Variants in MTBP observed in about 807,000 individuals in gnomAD.
MTBP encodes mdm2-binding protein.
A neutral mutation model predicts 117.0 loss-of-function variants in MTBP; 101 were observed. The observed-to-expected ratio is 0.86, with a 90% CI of 0.73 to 1.02. The LOEUF (loss-of-function observed/expected upper bound fraction) is 1.02. Among genes scored for constraint, MTBP ranks in the 50% least tolerant of loss-of-function variants. MTBP has a pLI of 0.00. For missense variants in MTBP, 970 were observed against 1,030.9 expected (o/e 0.94, Z 0.81); for synonymous variants, 350 against 351.5 (o/e 1.00, Z 0.05).
At chr8:120,520,114 G>A (rs1327621125) in intron 20 of MTBP, among the ~76,000 whole-genome samples, 1 of 152,132 alleles carries the variant, frequency 6.6e-6, no homozygotes. Flanking sequence ...AGCAGGCTTT[G>A]AGGAAAGCTT....
intron 16 of MTBP, among the ~76,000 whole-genome samples, chr8:120,508,902 C>G (rs377689760): frequency 6.6e-6 from 1 of 152,118 alleles, no homozygotes; most frequent in Non-Finnish European, 1.5e-5. Flanking sequence ...TCGGAATAAT[C>G]CAGAGAGCTT....
chr8:120,507,301 G>A (rs1486993621), intron 16 of MTBP, among the ~76,000 whole-genome samples: 1 of 152,080 alleles, frequency 6.6e-6, no homozygotes. Flanking sequence ...ACAGGAAAAT[G>A]TAATAAAAAT....
rs760815532 is a variant in MTBP at position 120,470,843 on chromosome 8, A to G, written c.1071A>G (p.Pro357=). ...CSKVGALFVL[P]CTISNILIPP... is the part of the protein sequence containing the mutation. ...AGGTTGGTGCTCTTTTTGTATTGCC[A>G]TGTACCATTAGTAACATACTGATTC... is the stretch of plus-strand genomic sequence containing the variant. Residue 357 remains proline (P), a synonymous_variant, in exon 11 of 22, where the codon CCA becomes CCG. Coordinates refer to ENST00000305949, the MANE Select transcript of MTBP (RefSeq NM_022045.5). The G allele has an allele frequency of 1.9e-6, 3 of 1,609,982 alleles. No individual in the cohort carries two copies. The highest frequency in any genetic ancestry group is 2.7e-5 in the African/African-American group (2 of 74,796).
At chr8:120,473,770 A>G (rs1203962642) in intron 11 of MTBP, 1 of 152,138 alleles carries the variant, frequency 6.6e-6, no homozygotes, top group Non-Finnish European at 1.5e-5. Flanking sequence ...AATCAGAAAT[A>G]GATTTTCTGA....
At position 120,513,507 on chromosome 8, in the gene MTBP, G is replaced by C. The variant is rs532121177; in HGVS notation, c.1980-2418G>C. ...AATTTACAAAGTAAATTTTTGTTCC[G>C]ATGGCAAATCATAGTATAATCATTT... On this transcript the variant is annotated intron_variant, in intron 17 of 21. Coordinates refer to ENST00000305949, the MANE Select transcript of MTBP (RefSeq NM_022045.5). Among the ~76,000 whole-genome samples, 4 of 151,804 alleles carry C rather than the reference G, an allele frequency of 2.6e-5. No homozygotes were observed. In the East Asian group the frequency reaches 5.8e-4, roughly 22 times the overall value.
intron 15 of MTBP, 71 bp downstream of exon 15, chr8:120,502,680 T>C: frequency 1.1e-6 from 1 of 931,018 alleles, no homozygotes. Flanking sequence ...AATAGTTAAA[T>C]TATGTTTATG....
At position 120,517,850 on chromosome 8, in the gene MTBP, G is replaced by A. The variant is rs1586975175; in HGVS notation, c.2247-1G>A. On this transcript the variant is annotated splice_acceptor_variant, in intron 18 of 21. Coordinates refer to ENST00000305949, the MANE Select transcript of MTBP (RefSeq NM_022045.5). LOFTEE classifies it high-confidence loss of function. Reference sequence around the variant, plus strand: ...CTTGATTTTTTTCCCCTGCTATATAGACTTGTGAAATCTGAAAGTTCAGAG... The same window carrying A: ...CTTGATTTTTTTCCCCTGCTATATAAACTTGTGAAATCTGAAAGTTCAGAG... The A allele has an allele frequency of 6.2e-7, 1 of 1,609,514 alleles. No homozygotes were observed. The highest frequency in any genetic ancestry group is 8.5e-7 in the Non-Finnish European group (1 of 1,177,070).
At position 120,470,804 on chromosome 8, in the gene MTBP, G is replaced by C. The variant is rs768735784; in HGVS notation, c.1048-16G>C. The C allele has an allele frequency of 1.3e-5, 20 of 1,504,968 alleles. No homozygotes were observed. The highest frequency in any genetic ancestry group is 3.4e-4 in the Middle Eastern group (2 of 5,826). The allele number at this position is 1,504,968 out of a possible 1,614,324, so 93.2% of individuals were successfully genotyped here. On this transcript the variant is annotated splice_polypyrimidine_tract_variant and intron_variant, in intron 10 of 21. Coordinates refer to ENST00000305949, the MANE Select transcript of MTBP (RefSeq NM_022045.5). Reference sequence around the variant, plus strand: ...CTCAATGTGCAATCAATAAAAATATGGTCTGTTTTATTCAGGTTGGTGCTC... The same window carrying C: ...CTCAATGTGCAATCAATAAAAATATCGTCTGTTTTATTCAGGTTGGTGCTC...
chr8:120,450,611 C>T (rs1209773612), intron 2 of MTBP, among the ~76,000 whole-genome samples: 1 of 152,132 alleles, frequency 6.6e-6, no homozygotes, highest in Non-Finnish European at 1.5e-5. Flanking sequence ...CTGAACCAAC[C>T]TGCATAGTCT....
intron 12 of MTBP, among the ~76,000 whole-genome samples, chr8:120,488,697 C>T (rs1029964388): frequency 6.6e-6 from 1 of 152,042 alleles, no homozygotes; most frequent in Admixed American, 6.5e-5. Context: ...CCTCTTCTTC[C>T]CAGGCTTTAT....
chr8:120,512,607 TATACAC>T (rs558754443), intron 17 of MTBP, among the ~76,000 whole-genome samples: 1 of 152,164 alleles, frequency 6.6e-6, no homozygotes, highest in Non-Finnish European at 1.5e-5. Context: ...TTTATTAACT[TATACAC>T]ATACAATGTT....
chr8:120,496,021 A>T (rs943403664), intron 13 of MTBP, among the ~76,000 whole-genome samples: 2 of 152,194 alleles, frequency 1.3e-5, no homozygotes, highest in Non-Finnish European at 2.9e-5. Flanking sequence ...GATGGAGAGA[A>T]ATTATAGATG....
intron 17 of MTBP, among the ~76,000 whole-genome samples, chr8:120,514,756 C>A (rs1814886842): frequency 6.6e-6 from 1 of 151,902 alleles, no homozygotes; most frequent in Non-Finnish European, 1.5e-5. Context: ...TCTTGACTGC[C>A]CTGTTTGCAT....
chr8:120,492,010 A>C (rs1195052237), intron 13 of MTBP, among the ~76,000 whole-genome samples: 1 of 152,054 alleles, frequency 6.6e-6, no homozygotes, highest in Non-Finnish European at 1.5e-5. Context: ...TGCTAAAAAT[A>C]AAAAAAATTA....
At chr8:120,516,894 AG>A (rs1471913495) in intron 18 of MTBP, among the ~76,000 whole-genome samples, 1 of 152,024 alleles carries the variant, frequency 6.6e-6, no homozygotes, top group Non-Finnish European at 1.5e-5. Flanking sequence ...TGAATAGTTA[AG>A]AAAGTTAGAA....
chr8:120,517,840 CT>C lies in MTBP; in HGVS notation c.2247-10del, dbSNP rs1180783634. 5.0e-6 allele frequency: 8 copies of C among 1,601,336 alleles called. No individual in the cohort carries two copies. The highest frequency in any genetic ancestry group is 2.2e-5 in the East Asian group (1 of 44,722). Reference sequence around the variant, plus strand: ...AATCTACGTTCTTGATTTTTTTCCCCTGCTATATAGACTTGTGAAATCTGAA... The same window carrying C: ...AATCTACGTTCTTGATTTTTTTCCCCGCTATATAGACTTGTGAAATCTGAA... On this transcript the variant is annotated splice_polypyrimidine_tract_variant and intron_variant, in intron 18 of 21. Transcript: ENST00000305949.
At chr8:120,460,664 T>G (rs1157728640) in intron 8 of MTBP, among the ~76,000 whole-genome samples, 1 of 152,186 alleles carries the variant, frequency 6.6e-6, no homozygotes, top group Non-Finnish European at 1.5e-5. Flanking sequence ...CTGGCTTCAC[T>G]ATCTCTCTCT....
At chr8:120,459,955 T>C (rs1009179446) in intron 8 of MTBP, among the ~76,000 whole-genome samples, 4 of 152,174 alleles carry the variant, frequency 2.6e-5, no homozygotes, top group African/African-American at 9.6e-5. Context: ...AAAGGCTTAG[T>C]TGGCTTTTTA....
chr8:120,499,913 A>G (rs192875340), intron 14 of MTBP, among the ~76,000 whole-genome samples: 1 of 152,334 alleles, frequency 6.6e-6, no homozygotes, highest in Admixed American at 6.5e-5. Context: ...TTTCCAGGTA[A>G]TTCTATCAGA....
Sources: gnomAD v4.1 joint callset for allele counts (sites outside exome capture counted in the v4.1 genomes callset) on GRCh38, gnomAD v4.1.1 for gene constraint, MANE v1.5 for transcripts, NCBI Gene and HGNC (gene_info 2026-07-23, HGNC 2026-07-21) for gene names.